The following STK31 variants were observed in gnomAD, a reference collection of about 807,000 sequenced individuals.
STK31 encodes the protein serine/threonine-protein kinase 31.
A neutral mutation model predicts 129.7 loss-of-function variants in STK31; 89 were observed. That is an observed-to-expected ratio of 0.69 (90% confidence interval 0.58 to 0.82). STK31 has a LOEUF of 0.82. STK31 is among the 40% of genes least tolerant of loss of function. STK31 has a pLI of 0.00. For synonymous variants in STK31, 448 were observed against 395.3 expected (o/e 1.13, Z -1.58); for missense variants, 1,187 against 1,176.4 (o/e 1.01, Z -0.13).
In STK31 at chr7:23,773,392, A is replaced by G. The variant is rs187717887; in HGVS notation, c.1965+1114A>G. ...CGAACTCGTCCTTTTTTATAGCTGC[A>G]TAATATTCCATGGTGTATATGTGCC... On this transcript the variant is annotated intron_variant, in intron 15 of 23. Transcript: ENST00000355870. Among the ~76,000 whole-genome samples the G allele has an allele frequency of 2.0e-3, 308 of 152,284 alleles. 1 individual carries two copies. The highest frequency in any genetic ancestry group is 7.1e-3 in the African/African-American group (295 of 41,564).
At chr7:23,791,078 C>A in intron 22 of STK31, 132 bp downstream of exon 22, 1 of 964,620 alleles carries the variant, frequency 1.0e-6, no homozygotes, top group Non-Finnish European at 1.4e-6. Context: ...TTAACAAAAA[C>A]TATTGATATG....
chr7:23,738,757 T>C (rs1422890859), intron 8 of STK31, among the ~76,000 whole-genome samples: 1 of 152,140 alleles, frequency 6.6e-6, no homozygotes, highest in Non-Finnish European at 1.5e-5. Flanking sequence ...GGTTTCACCA[T>C]GTTGGCCAGG....
chr7:23,783,710 A>T (rs1316687178), intron 17 of STK31, 47 bp downstream of exon 17: 1 of 1,413,312 alleles, frequency 7.1e-7, no homozygotes, highest in Middle Eastern at 1.8e-4. Flanking sequence ...GAGGGTGTTG[A>T]AAAGTGATAA....
Position 23,714,832 on chromosome 7 carries a change from CCATA to C in STK31, c.150+2549_150+2552del, listed in dbSNP as rs1029172758. ...TGATGAGTATTTTACCATTTTTAGG[CCATA>C]CAGTTTGTTTTGCAGCTATTCAATT... is the stretch of plus-strand genomic sequence containing the variant. On this transcript the variant is annotated intron_variant, in intron 3 of 23. Coordinates refer to ENST00000355870, the MANE Select transcript of STK31 (RefSeq NM_031414.5). Among the ~76,000 whole-genome samples the C allele has an allele frequency of 1.4e-3, 219 of 152,128 alleles. 1 individual carries two copies. The highest frequency in any genetic ancestry group is 5.1e-3 in the African/African-American group (212 of 41,512).
intron 15 of STK31, among the ~76,000 whole-genome samples, chr7:23,780,981 G>T (rs2128108322): frequency 6.6e-6 from 1 of 152,208 alleles, no homozygotes; most frequent in Middle Eastern, 3.4e-3. Flanking sequence ...TTTTAAGGTG[G>T]CTTATGTATT....
chr7:23,724,270 C>T (rs922656104), intron 4 of STK31, among the ~76,000 whole-genome samples: 2 of 152,078 alleles, frequency 1.3e-5, no homozygotes, highest in Admixed American at 6.5e-5. Flanking sequence ...TAATTGGGCT[C>T]CTTTGAAATG....
intron 22 of STK31, 35 bp from the exon 23 acceptor site, chr7:23,815,109 A>C (rs758507435): frequency 6.6e-7 from 1 of 1,516,968 alleles, no homozygotes; most frequent in Non-Finnish European, 9.0e-7. Flanking sequence ...GTATTAATAC[A>C]TTGGACATTT....
chr7:23,749,059 T>C (rs954265303), intron 8 of STK31, among the ~76,000 whole-genome samples: 2 of 152,256 alleles, frequency 1.3e-5, no homozygotes, highest in African/African-American at 4.8e-5. Context: ...TAGAGGGATG[T>C]TGAAGTCATT....
At chr7:23,786,106 CT>C (rs1187392271) in intron 18 of STK31, among the ~76,000 whole-genome samples, 3 of 150,326 alleles carry the variant, frequency 2.0e-5, no homozygotes, top group African/African-American at 4.9e-5. Flanking sequence ...ATATACTTTC[CT>C]TTTTTTTTGG....
At chr7:23,769,778 T>C (rs1187478033) in intron 13 of STK31, 22 bp downstream of exon 13, 1 of 1,473,128 alleles carries the variant, frequency 6.8e-7, no homozygotes, top group Non-Finnish European at 9.4e-7. Flanking sequence ...TATTCTTTAT[T>C]ATTGCCTCCT....
At chr7:23,768,567 G>A (rs901497329) in intron 11 of STK31, among the ~76,000 whole-genome samples, 10 of 152,182 alleles carry the variant, frequency 6.6e-5, no homozygotes, top group African/African-American at 2.4e-4. Flanking sequence ...GTGATTAGGG[G>A]TGGAGAGTGG....
intron 20 of STK31, 36 bp downstream of exon 20, chr7:23,786,960 T>A: frequency 1.3e-6 from 2 of 1,578,666 alleles, no homozygotes; most frequent in Non-Finnish European, 8.7e-7. Flanking sequence ...CATGGATGTA[T>A]TAAATGAGAA....
intron 22 of STK31, among the ~76,000 whole-genome samples, chr7:23,800,672 A>G (rs1584469718): frequency 1.3e-5 from 2 of 152,234 alleles, no homozygotes; most frequent in African/African-American, 4.8e-5. Context: ...GGGTGCAGCA[A>G]ACCACCATGG....
chr7:23,787,970 T>G lies in STK31; in HGVS notation c.2488-10T>G. ...ACTTCCTCACTTCTTTTATGTGTAC[T>G]TATCTATAGGAAACTTTAAAGGTCA... On this transcript the variant is annotated splice_polypyrimidine_tract_variant and intron_variant, in intron 20 of 23. Transcript: ENST00000355870. 1.3e-6 allele frequency: 2 copies of G among 1,533,506 alleles called. No individual in the cohort carries two copies. The highest frequency in any genetic ancestry group is 1.8e-6 in the Non-Finnish European group (2 of 1,142,748). The allele number at this position is 1,533,506 out of a possible 1,614,324, so 95.0% of individuals were successfully genotyped here. A position where few individuals can be genotyped will look rare whatever the true frequency, so the allele number is the denominator to read the frequency against.
At chr7:23,747,955 T>G (rs1299083313) in intron 8 of STK31, among the ~76,000 whole-genome samples, 1 of 152,180 alleles carries the variant, frequency 6.6e-6, no homozygotes, top group Admixed American at 6.5e-5. Context: ...TTTCCTGTTT[T>G]CAAATTGATT....
intron 23 of STK31, among the ~76,000 whole-genome samples, chr7:23,815,816 G>A (rs755276824): frequency 6.6e-6 from 1 of 151,738 alleles, no homozygotes; most frequent in Non-Finnish European, 1.5e-5. Flanking sequence ...AAATAATGAA[G>A]CCCCTAAAAA....
intron 15 of STK31, among the ~76,000 whole-genome samples, chr7:23,777,566 C>T (rs1790638854): frequency 6.6e-6 from 1 of 152,080 alleles, no homozygotes. Context: ...TGCACTGATC[C>T]CTTTACCATT....
intron 8 of STK31, among the ~76,000 whole-genome samples, chr7:23,752,010 G>A (rs1238549186): frequency 6.6e-6 from 1 of 152,066 alleles, no homozygotes; most frequent in Non-Finnish European, 1.5e-5. Flanking sequence ...GAGAGATAGA[G>A]TTTTAATTAG....
intron 4 of STK31, among the ~76,000 whole-genome samples, chr7:23,719,894 C>T (rs1786586032): frequency 6.6e-6 from 1 of 152,108 alleles, no homozygotes; most frequent in Non-Finnish European, 1.5e-5. Flanking sequence ...CAAATCTGAG[C>T]AACTACTGTA....
Sources: allele counts gnomAD v4.1 joint callset (sites outside exome capture counted in the v4.1 genomes callset), GRCh38; gene constraint gnomAD v4.1.1; transcripts MANE v1.5; gene names NCBI Gene and HGNC (gene_info 2026-07-23, HGNC 2026-07-21).